Variants in ENPEP observed in about 807,000 individuals in gnomAD.
ENPEP encodes the protein AP-A.
A neutral mutation model predicts 114.5 loss-of-function variants in ENPEP; 103 were observed. The ratio of observed to expected loss-of-function variants is 0.90; its 90% CI spans 0.77 to 1.06. The LOEUF is 1.06. Ranked by LOEUF, ENPEP falls within the 50% of genes least tolerant of loss-of-function variation. The pLI is 0.00. For synonymous variants in ENPEP, 420 were observed against 422.0 expected, an observed-to-expected ratio of 1.00 and a Z score of 0.06; for missense variants, 1,196 against 1,161.3, an observed-to-expected ratio of 1.03 and a Z score of -0.43.
At chr4:110,553,277 G>T in intron 17 of ENPEP, 38 bp from the exon 18 acceptor site, 3 of 1,515,100 alleles carry the variant, frequency 2.0e-6, no homozygotes, top group Non-Finnish European at 2.7e-6. Flanking sequence ...AACATTAAAA[G>T]TTCACTTTGA....
At chr4:110,555,946 C>G (rs1163454870) in intron 18 of ENPEP, among the ~76,000 whole-genome samples, 5 of 151,588 alleles carry the variant, frequency 3.3e-5, no homozygotes, top group African/African-American at 7.3e-5. Flanking sequence ...ATATTAGTTT[C>G]CTGGGGTGTA....
chr4:110,497,138 G>A (rs191367611), intron 3 of ENPEP, among the ~76,000 whole-genome samples: 1 of 152,190 alleles, frequency 6.6e-6, no homozygotes, highest in Admixed American at 6.5e-5. Flanking sequence ...ATTCCCCAGT[G>A]GATGTCCACA....
chr4:110,510,336 A>G lies in ENPEP; in HGVS notation c.1286A>G (p.His429Arg), dbSNP rs761877302. 5.0e-6 allele frequency: 8 copies of G among 1,614,024 alleles called. No homozygotes were observed. Among genetic ancestry groups the G allele is most frequent in the Middle Eastern group, 1.6e-4 (1 of 6,084 alleles). The change falls in exon 6 of 20, where the codon CAT becomes CGT. Residue 429 changes from histidine (H) to arginine (R), a missense_variant. Coordinates refer to ENST00000265162, the MANE Select transcript of ENPEP (RefSeq NM_001977.4). ...TTCTTTGAGTTTCTGGGAGTAAACC[A>G]TGCAGAAACAGACTGGCAAATGGTG... ...ASFFEFLGVNHAETDWQMRDQ... is the reference protein window; with the variant it reads ...ASFFEFLGVNRAETDWQMRDQ...
intron 1 of ENPEP, among the ~76,000 whole-genome samples, chr4:110,487,943 A>C (rs1724562980): frequency 6.6e-6 from 1 of 152,222 alleles, no homozygotes; most frequent in South Asian, 2.1e-4. Context: ...GCTTTAAACT[A>C]GGACAAAGGT....
At chr4:110,504,958 T>G (rs1725319193) in intron 3 of ENPEP, among the ~76,000 whole-genome samples, 1 of 152,216 alleles carries the variant, frequency 6.6e-6, no homozygotes, top group Admixed American at 6.5e-5. Flanking sequence ...AAGCACTGAA[T>G]ATGTAGACAA....
chr4:110,516,459 C>T (rs1406180992), intron 8 of ENPEP, among the ~76,000 whole-genome samples: 1 of 152,186 alleles, frequency 6.6e-6, no homozygotes, highest in Admixed American at 6.5e-5. Flanking sequence ...CTTTCCCTTC[C>T]ACCTACATCC....
At chr4:110,509,525 G>A in intron 4 of ENPEP, 128 bp from the exon 5 acceptor site, 4 of 1,243,836 alleles carry the variant, frequency 3.2e-6, no homozygotes, top group Non-Finnish European at 4.4e-6. Context: ...CATGATTACA[G>A]TTCTTTACTC....
chr4:110,532,522 C>A (rs1230225525), intron 11 of ENPEP, among the ~76,000 whole-genome samples: 2 of 152,068 alleles, frequency 1.3e-5, no homozygotes, highest in African/African-American at 4.8e-5. Context: ...ATATTTGGAT[C>A]ATTTCCACCT....
chr4:110,509,263 CTG>C (rs1725485587), intron 4 of ENPEP, among the ~76,000 whole-genome samples: 1 of 152,164 alleles, frequency 6.6e-6, no homozygotes, highest in South Asian at 2.1e-4. Flanking sequence ...GGATGGAAAA[CTG>C]TATCTATACA....
chr4:110,513,594 A>G (rs965209101), intron 7 of ENPEP, 45 bp downstream of exon 7: 3 of 1,603,512 alleles, frequency 1.9e-6, no homozygotes, highest in South Asian at 1.1e-5. Flanking sequence ...CTGTTTAGTG[A>G]CTTTTCTTTT....
chr4:110,509,515 C>T (rs1216887083), intron 4 of ENPEP, 138 bp from the exon 5 acceptor site: 7 of 1,117,874 alleles, frequency 6.3e-6, no homozygotes, highest in Non-Finnish European at 8.6e-6. Flanking sequence ...TGTTCGCACA[C>T]ATGATTACAG....
chr4:110,549,720 C>T lies in ENPEP; in HGVS notation c.2335C>T (p.Pro779Ser), dbSNP rs775614427. Residue 779 changes from proline to serine, a missense_variant, in exon 17 of 20, where the codon CCC becomes TCC. By Grantham distance (74) the Pro-to-Ser change is moderately conservative. Coordinates refer to ENST00000265162, the MANE Select transcript of ENPEP (RefSeq NM_001977.4). ...EQWLNGTVSL[P>S]VNLRLLVYRY... is the part of the protein sequence containing the mutation. ...AAACACTGTTTCTTCTTCTAGCCTT[C>T]CCGTAAATCTCAGGCTTCTGGTGTA... 2.5e-6 allele frequency: 4 copies of T among 1,612,714 alleles called. 1 individual carries two copies. Among genetic ancestry groups the T allele is most frequent in the Non-Finnish European group, 3.4e-6 (4 of 1,179,354 alleles).
At position 110,520,320 on chromosome 4, in the gene ENPEP, T is replaced by C. The variant is rs1725939970; in HGVS notation, c.1681T>C (p.Leu561=). 2 of 1,613,984 alleles carry C rather than the reference T, an allele frequency of 1.2e-6. No homozygotes were observed. Among genetic ancestry groups the C allele is most frequent in the Admixed American group, 3.3e-5 (2 of 59,994 alleles). The change falls in exon 10 of 20, where the codon TTG becomes CTG. Residue 561 remains leucine, a synonymous_variant. Coordinates refer to ENST00000265162, the MANE Select transcript of ENPEP (RefSeq NM_001977.4). ...GVKNITQKRF[L]LDPRANPSQP... ...CAAGAACATCACACAGAAACGCTTTTTGTTGGACCCAAGAGCTAACCCTTC... is the reference window on the plus strand; with the variant it reads ...CAAGAACATCACACAGAAACGCTTTCTGTTGGACCCAAGAGCTAACCCTTC...
In ENPEP at chr4:110,520,006, A is replaced by G. The variant is rs1725922984; in HGVS notation, c.1510-2A>G. On this transcript the variant is annotated splice_acceptor_variant, in intron 8 of 19. Coordinates refer to ENST00000265162, the MANE Select transcript of ENPEP (RefSeq NM_001977.4). LOFTEE classifies it high-confidence loss of function. Reference sequence around the variant, plus strand: ...AACATGCTGATTATTTTTTACACACAGATGTACTTGGAAAAATACCAATTC... The same window carrying G: ...AACATGCTGATTATTTTTTACACACGGATGTACTTGGAAAAATACCAATTC... 1 of 1,612,890 alleles carries G rather than the reference A, an allele frequency of 6.2e-7. No individual in the cohort carries two copies. The highest frequency in any genetic ancestry group is 1.3e-5 in the African/African-American group (1 of 74,910).
chr4:110,550,593 C>A (rs948150989), intron 17 of ENPEP, among the ~76,000 whole-genome samples: 4 of 152,062 alleles, frequency 2.6e-5, no homozygotes, highest in African/African-American at 9.7e-5. Context: ...ACTCATTTCC[C>A]ACTCTGCATT....
intron 1 of ENPEP, among the ~76,000 whole-genome samples, chr4:110,486,493 G>T (rs1440710890): frequency 6.6e-6 from 1 of 152,078 alleles, no homozygotes; most frequent in East Asian, 1.9e-4. Flanking sequence ...TGCACTTACG[G>T]TTCCTTCTAC....
At chr4:110,533,761 G>A (rs1282315249) in intron 11 of ENPEP, among the ~76,000 whole-genome samples, 2 of 152,034 alleles carry the variant, frequency 1.3e-5, no homozygotes, top group Non-Finnish European at 2.9e-5. Context: ...ACATTTTTTT[G>A]TTCTAACTAT....
intron 1 of ENPEP, among the ~76,000 whole-genome samples, chr4:110,485,604 G>A (rs187510631): frequency 6.6e-6 from 1 of 152,220 alleles, no homozygotes; most frequent in Admixed American, 6.5e-5. Context: ...ATGTCTTTTT[G>A]AATGTTTTTT....
intron 3 of ENPEP, among the ~76,000 whole-genome samples, chr4:110,497,091 C>A (rs900187790): frequency 6.6e-6 from 1 of 152,138 alleles, no homozygotes; most frequent in Admixed American, 6.5e-5. Context: ...ATGTGAATAT[C>A]CTGTTAGTTC....
Sources: allele counts gnomAD v4.1 joint callset (sites outside exome capture counted in the v4.1 genomes callset), GRCh38; gene constraint gnomAD v4.1.1; transcripts MANE v1.5; gene names NCBI Gene and HGNC (gene_info 2026-07-23, HGNC 2026-07-21).